KCNMB2: variants seen among roughly 807,000 people sequenced by gnomAD.
KCNMB2 encodes calcium-activated potassium channel subunit beta-2.
Under a neutral mutation model 24.5 loss-of-function variants are expected in KCNMB2, and 9 were observed. The observed-to-expected ratio is 0.37, with a 90% CI of 0.22 to 0.64. The LOEUF (loss-of-function observed/expected upper bound fraction) is 0.64, where lower values mean the gene tolerates loss of function less well. KCNMB2 is among the 30% of genes least tolerant of loss of function. KCNMB2 has a pLI of 0.63. For missense variants in KCNMB2, 226 were observed against 284.3 expected, an observed-to-expected ratio of 0.79 and a Z score of 1.47; for synonymous variants, 109 against 104.4, an observed-to-expected ratio of 1.04 and a Z score of -0.27.
At chr3:178,549,425 C>T (rs1715873960) in intron 1 of KCNMB2, among the ~76,000 whole-genome samples, 1 of 150,556 alleles carries the variant, frequency 6.6e-6, no homozygotes, top group South Asian at 2.1e-4. Flanking sequence ...ATTCTCCTGC[C>T]TCAGCCTCCC....
At chr3:178,742,805 G>A (rs1228505714) in intron 1 of KCNMB2, among the ~76,000 whole-genome samples, 1 of 152,110 alleles carries the variant, frequency 6.6e-6, no homozygotes, top group Non-Finnish European at 1.5e-5. Context: ...TTGGAATATT[G>A]CTTCAATATG....
intron 4 of KCNMB2, among the ~76,000 whole-genome samples, chr3:178,828,942 T>A (rs200249028): frequency 0.15 from 20,971 of 141,102 alleles, 1,627 homozygotes; most frequent in African/African-American, 0.16. Context: ...TGTGTGTGTG[T>A]GTGTGTGTGT....
At chr3:178,542,800 A>G (rs1022926113) in intron 1 of KCNMB2, among the ~76,000 whole-genome samples, 4 of 152,214 alleles carry the variant, frequency 2.6e-5, no homozygotes, top group African/African-American at 9.6e-5. Flanking sequence ...CCCTTTCTAG[A>G]CACGCTGTAT....
intron 1 of KCNMB2, among the ~76,000 whole-genome samples, chr3:178,555,954 C>T (rs1366683644): frequency 1.3e-5 from 2 of 151,774 alleles, no homozygotes; most frequent in Admixed American, 6.6e-5. Flanking sequence ...AACAAAGGCT[C>T]GAATAAGAAT....
chr3:178,547,978 T>C (rs1715828281), intron 1 of KCNMB2, among the ~76,000 whole-genome samples: 1 of 152,268 alleles, frequency 6.6e-6, no homozygotes, highest in Admixed American at 6.5e-5. Flanking sequence ...TGTCTTTGAA[T>C]CCTCTTCCAA....
At chr3:178,678,601 T>C (rs115487690) in intron 1 of KCNMB2, among the ~76,000 whole-genome samples, 4,455 of 152,262 alleles carry the variant, frequency 0.029, 98 homozygotes, top group Non-Finnish European at 0.046. Flanking sequence ...ATTTCCGACA[T>C]AGTCCAGTAC....
chr3:178,784,088 G>A (rs1374897068), intron 1 of KCNMB2, among the ~76,000 whole-genome samples: 2 of 152,154 alleles, frequency 1.3e-5, no homozygotes, highest in Non-Finnish European at 2.9e-5. Context: ...GTCTCTATTG[G>A]CTGCTATAGC....
rs577301027 is a variant in KCNMB2 at position 178,584,871 on chromosome 3, C to T, written c.-68+48160C>T. ...TATCACACCTGCTATTTTTTCACTG[C>T]CAAAAGATTGCAATAACCTCCCTCC... On this transcript the variant is annotated intron_variant, in intron 1 of 4. Coordinates refer to ENST00000452583, the MANE Select transcript of KCNMB2 (RefSeq NM_181361.3). Among the ~76,000 whole-genome samples, 6 of 152,132 alleles carry T rather than the reference C, an allele frequency of 3.9e-5. No individual in the cohort carries two copies. In the South Asian group the frequency reaches 1.2e-3, roughly 32 times the overall value.
At chr3:178,757,204 C>T (rs531949345) in intron 1 of KCNMB2, 2 of 143,054 alleles carry the variant, frequency 1.4e-5, no homozygotes, top group South Asian at 2.2e-4. Flanking sequence ...AAAACAGTTA[C>T]AATCAAAAAT....
At chr3:178,716,767 A>C (rs12498072) in intron 1 of KCNMB2, among the ~76,000 whole-genome samples, 68,947 of 151,954 alleles carry the variant, frequency 0.45, 15,726 homozygotes, top group African/African-American at 0.5. Context: ...GCCTTGAGAG[A>C]ATCTCAGGGA....
At chr3:178,721,765 G>A (rs556716957) in intron 1 of KCNMB2, among the ~76,000 whole-genome samples, 307 of 152,128 alleles carry the variant, frequency 2.0e-3, no homozygotes, top group Non-Finnish European at 3.7e-3. Flanking sequence ...TTCCGCTTTC[G>A]CCATTTTAAT....
At chr3:178,613,676 A>G (rs1718575877) in intron 1 of KCNMB2, among the ~76,000 whole-genome samples, 1 of 152,148 alleles carries the variant, frequency 6.6e-6, no homozygotes, top group Non-Finnish European at 1.5e-5. Flanking sequence ...GTTTCCATGG[A>G]AAAGTCTGCT....
rs112079005 is a variant in KCNMB2 at position 178,701,228 on chromosome 3, T to G, written c.-67-106115T>G. 2.9e-3 allele frequency among the ~76,000 whole-genome samples: 442 copies of G among 152,268 alleles called. 2 individuals are homozygous for G. Among genetic ancestry groups the G allele is most frequent in the South Asian group, 6.8e-3 (33 of 4,820 alleles). ...TTAAATAGGGAATCCTTTCCCCATT[T>G]CTTGTTTTTGTCAGGTTTGTCAAAG... On this transcript the variant is annotated intron_variant, in intron 1 of 4. Transcript: ENST00000452583.
At chr3:178,769,027 C>T (rs949033165) in intron 1 of KCNMB2, among the ~76,000 whole-genome samples, 15 of 152,186 alleles carry the variant, frequency 9.9e-5, no homozygotes, top group African/African-American at 3.4e-4. Context: ...AAACCCAACC[C>T]AATCCCTCCT....
At chr3:178,757,749 T>TATATATCC (rs1553774396) in intron 1 of KCNMB2, among the ~76,000 whole-genome samples, 1 of 74,744 alleles carries the variant, frequency 1.3e-5, no homozygotes, top group African/African-American at 4.5e-5. Context: ...TATATATATA[T>TATATATCC]AAGAGGATAT....
At chr3:178,778,461 C>T (rs1489080480) in intron 1 of KCNMB2, among the ~76,000 whole-genome samples, 64 of 55,494 alleles carry the variant, frequency 1.2e-3, no homozygotes, top group Non-Finnish European at 1.3e-3. Flanking sequence ...TTAAGACACA[C>T]ACACACACAC....
chr3:178,563,223 A>C (rs1466585500), intron 1 of KCNMB2, among the ~76,000 whole-genome samples: 1 of 152,242 alleles, frequency 6.6e-6, no homozygotes, highest in Non-Finnish European at 1.5e-5. Flanking sequence ...TTAGGGGCTA[A>C]ACCAGAAAAA....
intron 1 of KCNMB2, among the ~76,000 whole-genome samples, chr3:178,709,307 G>T (rs1361102694): frequency 6.6e-6 from 1 of 152,182 alleles, no homozygotes; most frequent in African/African-American, 2.4e-5. Flanking sequence ...GTTTCCGGTT[G>T]CCAGGCAACA....
At chr3:178,606,256 T>A (rs1408813987) in intron 1 of KCNMB2, among the ~76,000 whole-genome samples, 1 of 152,132 alleles carries the variant, frequency 6.6e-6, no homozygotes, top group Non-Finnish European at 1.5e-5. Context: ...AGATGCCTCT[T>A]CAGTTACAAA....
Sources: gnomAD v4.1 joint callset for allele counts (sites outside exome capture counted in the v4.1 genomes callset) on GRCh38, gnomAD v4.1.1 for gene constraint, MANE v1.5 for transcripts, NCBI Gene and HGNC (gene_info 2026-07-23, HGNC 2026-07-21) for gene names.